MEGF11: variants seen among roughly 807,000 people sequenced by gnomAD.
MEGF11 encodes multiple EGF like domains 11.
MEGF11 carries 126 observed loss-of-function variants against 146.6 expected under a neutral mutation model. That is an observed-to-expected ratio of 0.86 (90% CI 0.74 to 1.00). MEGF11 has a LOEUF of 1.00. Ranked by LOEUF, MEGF11 falls within the 50% of genes least tolerant of loss-of-function variation. The probability of loss-of-function intolerance (pLI) is 0.00; values close to 1 mark genes in which losing one functional copy is unlikely to be tolerated. For missense variants in MEGF11, 1,509 were observed against 1,521.2 expected (o/e 0.99, Z 0.13); for synonymous variants, 532 against 583.4 (o/e 0.91, Z 1.27).
chr15:66,192,401 T>C (rs1189184326), intron 1 of MEGF11, among the ~76,000 whole-genome samples: 1 of 150,786 alleles, frequency 6.6e-6, no homozygotes, highest in Non-Finnish European at 1.5e-5. Context: ...ACTGAGGAGA[T>C]GGAGGTTGCA....
chr15:66,087,131 T>C (rs899132834), intron 5 of MEGF11, among the ~76,000 whole-genome samples: 53 of 152,312 alleles, frequency 3.5e-4, no homozygotes, highest in African/African-American at 1.1e-3. Flanking sequence ...ATCACAATCC[T>C]AAACATATAT....
chr15:66,078,846 T>C lies in MEGF11; in HGVS notation c.394+15556A>G, dbSNP rs376156472. Among the ~76,000 whole-genome samples, 6 of 152,286 alleles carry C rather than the reference T, an allele frequency of 3.9e-5. No individual in the cohort carries two copies. The East Asian group carries it at 1.2e-3, about 29-fold the overall frequency. On this transcript the variant is annotated intron_variant, in intron 5 of 25. Transcript: ENST00000395614. ...TTGCCAGTTCTCGAGACTCCCTGTG[T>C]GTCATTTATTTATTCATTTTGTTCT...
intron 1 of MEGF11, among the ~76,000 whole-genome samples, chr15:66,191,044 T>G (rs1029618545): frequency 2.0e-5 from 3 of 152,158 alleles, no homozygotes; most frequent in African/African-American, 4.8e-5. Flanking sequence ...ACAGCCCGGC[T>G]GGACTTCCAG....
chr15:66,184,233 C>T (rs2090633083), intron 1 of MEGF11, among the ~76,000 whole-genome samples: 1 of 152,086 alleles, frequency 6.6e-6, no homozygotes, highest in Non-Finnish European at 1.5e-5. Context: ...ATCAATTATA[C>T]CTCCACAAAA....
At chr15:65,911,010 G>A (rs2078787579) in intron 21 of MEGF11, among the ~76,000 whole-genome samples, 1 of 152,158 alleles carries the variant, frequency 6.6e-6, no homozygotes. Flanking sequence ...GCCTGGTATG[G>A]GTCCGGGCAC....
chr15:66,212,683 G>A (rs796954349), intron 1 of MEGF11, among the ~76,000 whole-genome samples: 1 of 144,610 alleles, frequency 6.9e-6, no homozygotes, highest in Non-Finnish European at 1.5e-5. Context: ...GCCTGCATCC[G>A]CACACGCGGC....
At chr15:66,235,148 G>A (rs957138568) in intron 1 of MEGF11, among the ~76,000 whole-genome samples, 1 of 152,174 alleles carries the variant, frequency 6.6e-6, no homozygotes, top group East Asian at 1.9e-4. Context: ...GGCGGAGGGC[G>A]GGGAAGGTGC....
intron 4 of MEGF11, among the ~76,000 whole-genome samples, chr15:66,115,351 C>T (rs886888386): frequency 6.6e-6 from 1 of 152,204 alleles, no homozygotes; most frequent in African/African-American, 2.4e-5. Context: ...TGGCATCATT[C>T]TTCACCCTCT....
At chr15:66,128,169 C>T (rs2088465995) in intron 2 of MEGF11, 137 bp downstream of exon 2, 3 of 501,836 alleles carry the variant, frequency 6.0e-6, no homozygotes, top group Admixed American at 4.1e-5. Context: ...TGTCTCTCAG[C>T]ATGTGGGCCA....
chr15:66,145,963 C>T (rs907891771), intron 1 of MEGF11, among the ~76,000 whole-genome samples: 6 of 152,282 alleles, frequency 3.9e-5, no homozygotes, highest in Admixed American at 3.3e-4. Context: ...TACCGTTGGG[C>T]GCACAGTAAA....
chr15:66,111,604 C>A (rs7164202), intron 4 of MEGF11, among the ~76,000 whole-genome samples: 25,509 of 152,088 alleles, frequency 0.17, 2,515 homozygotes, highest in East Asian at 0.32. Flanking sequence ...GACTTCATAC[C>A]CACTCAAGGG....
chr15:65,937,578 T>C (rs2079836671), intron 10 of MEGF11, among the ~76,000 whole-genome samples: 1 of 152,186 alleles, frequency 6.6e-6, no homozygotes, highest in Non-Finnish European at 1.5e-5. Flanking sequence ...TACAAAGCCC[T>C]CTCCATTTGA....
intron 1 of MEGF11, among the ~76,000 whole-genome samples, chr15:66,252,210 G>A (rs923628054): frequency 6.6e-6 from 1 of 150,536 alleles, no homozygotes; most frequent in Non-Finnish European, 1.5e-5. Context: ...CGGCCGCCGC[G>A]AGCCGCACCC....
At chr15:66,068,956 C>T (rs1429616313) in intron 5 of MEGF11, among the ~76,000 whole-genome samples, 2 of 152,216 alleles carry the variant, frequency 1.3e-5, no homozygotes, top group African/African-American at 4.8e-5. Flanking sequence ...CTACTACAAG[C>T]CAGGGACACA....
chr15:65,898,951 A>G lies in MEGF11; in HGVS notation c.3056-17T>C, dbSNP rs760860536. On this transcript the variant is annotated splice_polypyrimidine_tract_variant and intron_variant, in intron 24 of 25. Coordinates refer to ENST00000395614, the MANE Select transcript of MEGF11 (RefSeq NM_001385028.1). ...TCATGTAATCTGCAAGGCAAGAGAC[A>G]TTTCTTAGGACAAGCAAGAATACAA... 5 of 1,612,896 alleles carry G rather than the reference A, an allele frequency of 3.1e-6. No homozygotes were observed. In the South Asian group the frequency reaches 3.3e-5, roughly 11 times the overall value.
At chr15:66,084,620 A>G (rs2086025616) in intron 5 of MEGF11, among the ~76,000 whole-genome samples, 1 of 152,180 alleles carries the variant, frequency 6.6e-6, no homozygotes, top group Non-Finnish European at 1.5e-5. Flanking sequence ...GCCGAGTAAA[A>G]TACAGGGGTA....
chr15:66,082,994 C>T (rs2085958275), intron 5 of MEGF11, among the ~76,000 whole-genome samples: 1 of 152,182 alleles, frequency 6.6e-6, no homozygotes, highest in Non-Finnish European at 1.5e-5. Flanking sequence ...CATCCTATAC[C>T]TCTGCTTTGC....
At chr15:66,166,967 C>A (rs1381277994) in intron 1 of MEGF11, among the ~76,000 whole-genome samples, 1 of 152,168 alleles carries the variant, frequency 6.6e-6, no homozygotes, top group East Asian at 1.9e-4. Context: ...TTTCAGGTTC[C>A]CTGCTCCTAT....
chr15:66,244,675 A>G (rs1311609817), intron 1 of MEGF11, among the ~76,000 whole-genome samples: 1 of 152,192 alleles, frequency 6.6e-6, no homozygotes, highest in African/African-American at 2.4e-5. Context: ...GGTGGTTACC[A>G]GGCTCAGTTA....
Sources: gnomAD v4.1 joint callset for allele counts (sites outside exome capture counted in the v4.1 genomes callset) on GRCh38, gnomAD v4.1.1 for gene constraint, MANE v1.5 for transcripts, NCBI Gene and HGNC (gene_info 2026-07-23, HGNC 2026-07-21) for gene names.